The following CADPS2 variants were observed in gnomAD, a reference collection of about 807,000 sequenced individuals.
CADPS2 encodes the protein calcium-dependent secretion activator 2.
In CADPS2, 93 loss-of-function variants were observed where a neutral mutation model predicts 172.5. The observed-to-expected ratio is 0.54, with a 90% CI of 0.46 to 0.64. The LOEUF (loss-of-function observed/expected upper bound fraction) is 0.64, where lower values mean the gene tolerates loss of function less well. Ranked by LOEUF, CADPS2 falls within the 30% of genes least tolerant of loss-of-function variation. CADPS2 has a pLI of 0.00. For synonymous variants in CADPS2, 546 were observed against 555.2 expected, an observed-to-expected ratio of 0.98 and a Z score of 0.23; for missense variants, 1,420 against 1,565.9, an observed-to-expected ratio of 0.91 and a Z score of 1.57.
At chr7:122,838,533 T>A (rs539400529) in intron 1 of CADPS2, among the ~76,000 whole-genome samples, 1 of 152,210 alleles carries the variant, frequency 6.6e-6, no homozygotes, top group South Asian at 2.1e-4. Context: ...AAAACCCCAT[T>A]GTCTCAGCCC....
At chr7:122,863,321 T>A (rs138307575) in intron 1 of CADPS2, among the ~76,000 whole-genome samples, 32 of 152,324 alleles carry the variant, frequency 2.1e-4, no homozygotes, top group African/African-American at 7.5e-4. Context: ...CAAATAATTA[T>A]GAACAAGTTT....
intron 28 of CADPS2, among the ~76,000 whole-genome samples, chr7:122,330,201 G>T (rs568500223): frequency 8.1e-4 from 123 of 152,204 alleles, no homozygotes; most frequent in African/African-American, 2.8e-3. Context: ...ATGAAATAAC[G>T]CCAAGAAAAT....
chr7:122,567,685 A>C (rs1262693566), intron 7 of CADPS2, among the ~76,000 whole-genome samples: 1 of 152,178 alleles, frequency 6.6e-6, no homozygotes, highest in Admixed American at 6.6e-5. Context: ...AACTCAAATG[A>C]TGGGAGGGAA....
chr7:122,725,201 C>T (rs927618100), intron 2 of CADPS2, among the ~76,000 whole-genome samples: 1 of 151,952 alleles, frequency 6.6e-6, no homozygotes, highest in African/African-American at 2.4e-5. Context: ...TAAGTAAATG[C>T]TATATCTTAG....
chr7:122,499,425 C>T (rs534994610), intron 9 of CADPS2, among the ~76,000 whole-genome samples: 1 of 152,244 alleles, frequency 6.6e-6, no homozygotes, highest in East Asian at 1.9e-4. Flanking sequence ...TGTTTGTGGT[C>T]TCTAAAGTTT....
intron 28 of CADPS2, among the ~76,000 whole-genome samples, chr7:122,340,451 A>G (rs1236299348): frequency 1.3e-5 from 2 of 152,224 alleles, no homozygotes; most frequent in African/African-American, 4.8e-5. Flanking sequence ...TTTAGTGTCT[A>G]TCTTGAAAAA....
chr7:122,767,773 T>A (rs2093598129), intron 1 of CADPS2, among the ~76,000 whole-genome samples: 1 of 152,108 alleles, frequency 6.6e-6, no homozygotes, highest in Non-Finnish European at 1.5e-5. Flanking sequence ...TTTGAAGAAC[T>A]CCCAGATTTT....
At chr7:122,556,004 TCTA>T in intron 7 of CADPS2, among the ~76,000 whole-genome samples, 1 of 152,170 alleles carries the variant, frequency 6.6e-6, no homozygotes, top group Non-Finnish European at 1.5e-5. Context: ...GTTAAATGTA[TCTA>T]CTATTTTGAG....
At chr7:122,427,338 A>G (rs988067402) in intron 17 of CADPS2, 9 of 152,172 alleles carry the variant, frequency 5.9e-5, no homozygotes, top group Admixed American at 1.3e-4. Flanking sequence ...TATGTTTTAT[A>G]AGAAAGTTAA....
chr7:122,549,841 T>C (rs1022792723), intron 8 of CADPS2, among the ~76,000 whole-genome samples: 2 of 151,998 alleles, frequency 1.3e-5, no homozygotes, highest in East Asian at 3.9e-4. Flanking sequence ...TTCTAAAAGG[T>C]ACATTTAAAA....
chr7:122,556,069 T>A (rs1190981338), intron 7 of CADPS2, among the ~76,000 whole-genome samples: 2 of 152,078 alleles, frequency 1.3e-5, no homozygotes, highest in Non-Finnish European at 2.9e-5. Flanking sequence ...ATCCAGCATA[T>A]CTATATACTC....
At chr7:122,699,510 A>G (rs1161285366) in intron 2 of CADPS2, among the ~76,000 whole-genome samples, 1 of 152,214 alleles carries the variant, frequency 6.6e-6, no homozygotes, top group Non-Finnish European at 1.5e-5. Context: ...GCTTAGTGAC[A>G]TTATTTTTAC....
chr7:122,539,872 T>C (rs1410627602), intron 8 of CADPS2, among the ~76,000 whole-genome samples: 2 of 152,002 alleles, frequency 1.3e-5, no homozygotes, highest in Non-Finnish European at 2.9e-5. Context: ...GCAATAATCA[T>C]ATGAAGAAAA....
intron 28 of CADPS2, chr7:122,328,411 T>C (rs1440836180): frequency 1.3e-5 from 2 of 152,190 alleles, no homozygotes; most frequent in African/African-American, 4.8e-5. Flanking sequence ...AAGTGCCTTT[T>C]CACTTTGGAA....
rs149263934 is a variant in CADPS2, at chr7:122,411,824, G to A, written c.2589+2244C>T. 1.8e-4 allele frequency among the ~76,000 whole-genome samples: 27 copies of A among 152,142 alleles called. No homozygotes were observed. In the East Asian group the frequency reaches 4.8e-3, roughly 27 times the overall value. ...ATTTAAGTTCTCTTGAGGGACAGAC[G>A]AATGAACAGGTGACACCTATTGTCT... On this transcript the variant is annotated intron_variant, in intron 19 of 29. Coordinates refer to ENST00000449022, the MANE Select transcript of CADPS2 (RefSeq NM_017954.11).
chr7:122,760,607 A>G (rs1387981551), intron 1 of CADPS2, among the ~76,000 whole-genome samples: 1 of 152,018 alleles, frequency 6.6e-6, no homozygotes, highest in Non-Finnish European at 1.5e-5. Flanking sequence ...TGTGGCACAT[A>G]TACACCATGG....
At chr7:122,335,794 T>C (rs1207341838) in intron 28 of CADPS2, among the ~76,000 whole-genome samples, 1 of 152,116 alleles carries the variant, frequency 6.6e-6, no homozygotes, top group African/African-American at 2.4e-5. Context: ...GTTAAACAAA[T>C]AGGGATTATT....
At chr7:122,706,716 A>T (rs1354186929) in intron 2 of CADPS2, among the ~76,000 whole-genome samples, 2 of 147,628 alleles carry the variant, frequency 1.4e-5, no homozygotes, top group Non-Finnish European at 3.0e-5. Flanking sequence ...CCTTGCTCAT[A>T]TATATGTATA....
chr7:122,733,317 A>G (rs1588860654), intron 2 of CADPS2, among the ~76,000 whole-genome samples: 1 of 152,020 alleles, frequency 6.6e-6, no homozygotes, highest in East Asian at 1.9e-4. Flanking sequence ...GTTTCTAGAT[A>G]GAGCAATAAG....
Sources: gnomAD v4.1 joint callset for allele counts (sites outside exome capture counted in the v4.1 genomes callset) on GRCh38, gnomAD v4.1.1 for gene constraint, MANE v1.5 for transcripts, NCBI Gene and HGNC (gene_info 2026-07-23, HGNC 2026-07-21) for gene names.